Variants in VAV3 observed in about 807,000 individuals in gnomAD.
VAV3 encodes the protein vav guanine nucleotide exchange factor 3.
In VAV3, 94 loss-of-function variants were observed where a neutral mutation model predicts 131.2. That is an observed-to-expected ratio of 0.72 (90% CI 0.61 to 0.85). The LOEUF (loss-of-function observed/expected upper bound fraction) is 0.85. Among genes scored for constraint, VAV3 ranks in the 40% least tolerant of loss-of-function variants. The pLI is 0.00. For missense variants in VAV3, 939 were observed against 1,002.7 expected (o/e 0.94, Z 0.86); for synonymous variants, 349 against 342.0 (o/e 1.02, Z -0.22).
intron 1 of VAV3, among the ~76,000 whole-genome samples, chr1:107,901,904 A>C (rs1005224395): frequency 6.6e-6 from 1 of 152,046 alleles, no homozygotes; most frequent in Non-Finnish European, 1.5e-5. Flanking sequence ...TTAGCCACGC[A>C]TGGTGGCATG....
chr1:107,866,698 T>C (rs1362578118), intron 2 of VAV3, among the ~76,000 whole-genome samples: 1 of 151,212 alleles, frequency 6.6e-6, no homozygotes, highest in Non-Finnish European at 1.5e-5. Context: ...TGGTGCACAC[T>C]TGCAGCCCCA....
intron 2 of VAV3, among the ~76,000 whole-genome samples, chr1:107,842,855 A>G (rs545958018): frequency 3.9e-5 from 6 of 152,166 alleles, no homozygotes; most frequent in Non-Finnish European, 7.4e-5. Context: ...CAGTCTCTCC[A>G]ATGAGAGAAA....
At chr1:107,892,725 T>A (rs1026316739) in intron 1 of VAV3, among the ~76,000 whole-genome samples, 1 of 152,190 alleles carries the variant, frequency 6.6e-6, no homozygotes, top group African/African-American at 2.4e-5. Flanking sequence ...AATTATTTTG[T>A]CAGTGAATAT....
chr1:107,683,431 C>T (rs540356992), intron 19 of VAV3, 57 bp downstream of exon 19: 2 of 1,591,562 alleles, frequency 1.3e-6, no homozygotes, highest in East Asian at 4.5e-5. Flanking sequence ...ATTCCCATAT[C>T]CTTTCATAAG....
chr1:107,653,831 A>G (rs1355859878), intron 19 of VAV3, among the ~76,000 whole-genome samples: 2 of 152,032 alleles, frequency 1.3e-5, no homozygotes, highest in Admixed American at 1.3e-4. Flanking sequence ...CCACCAACAT[A>G]TTTACCTATG....
chr1:107,772,628 A>G (rs1367866745), intron 5 of VAV3, 107 bp downstream of exon 5: 13 of 905,046 alleles, frequency 1.4e-5, no homozygotes, highest in Non-Finnish European at 2.2e-5. Context: ...GTTATAAGCA[A>G]GCAAAGGTTA....
intron 20 of VAV3, among the ~76,000 whole-genome samples, chr1:107,632,918 A>C (rs919360839): frequency 1.3e-5 from 2 of 152,204 alleles, no homozygotes; most frequent in African/African-American, 4.8e-5. Context: ...AGTGTCTCCA[A>C]AACCATTCTA....
chr1:107,596,517 C>T (rs969650351), intron 24 of VAV3, among the ~76,000 whole-genome samples, 176 bp from the exon 25 acceptor site: 1 of 152,066 alleles, frequency 6.6e-6, no homozygotes, highest in African/African-American at 2.4e-5. Flanking sequence ...TACATGACAC[C>T]TACCTAATAG....
intron 1 of VAV3, among the ~76,000 whole-genome samples, chr1:107,952,416 C>T (rs574737442): frequency 2.7e-5 from 4 of 148,212 alleles, no homozygotes; most frequent in East Asian, 4.1e-4. Context: ...CCATGACACA[C>T]GTTTACCTAT....
chr1:107,592,683 G>A (rs911695409), intron 25 of VAV3, among the ~76,000 whole-genome samples: 1 of 152,058 alleles, frequency 6.6e-6, no homozygotes, highest in African/African-American at 2.4e-5. Context: ...ATTTTTAAAA[G>A]AACATTATAA....
intron 1 of VAV3, among the ~76,000 whole-genome samples, chr1:107,963,775 G>C (rs549127330): frequency 5.3e-5 from 8 of 152,266 alleles, no homozygotes; most frequent in Non-Finnish European, 8.8e-5. Flanking sequence ...TTCTGAAAGA[G>C]AAAGAGGCTC....
intron 15 of VAV3, among the ~76,000 whole-genome samples, chr1:107,717,392 T>G (rs55759434): frequency 6.6e-6 from 1 of 152,178 alleles, no homozygotes; most frequent in African/African-American, 2.4e-5. Context: ...TAAATTTCCC[T>G]CTATACACTG....
chr1:107,676,906 G>A (rs1284723139), intron 19 of VAV3, among the ~76,000 whole-genome samples: 1 of 152,042 alleles, frequency 6.6e-6, no homozygotes, highest in African/African-American at 2.4e-5. Flanking sequence ...ACTTTGACAA[G>A]TTATGTTTGT....
intron 1 of VAV3, among the ~76,000 whole-genome samples, chr1:107,953,629 C>T (rs1674660919): frequency 6.6e-6 from 1 of 152,158 alleles, no homozygotes; most frequent in Non-Finnish European, 1.5e-5. Flanking sequence ...GAGAAGGAAA[C>T]ATGAAGGCCA....
chr1:107,584,229 C>T (rs28490471), intron 25 of VAV3, among the ~76,000 whole-genome samples: 3 of 152,188 alleles, frequency 2.0e-5, no homozygotes, highest in Admixed American at 6.5e-5. Context: ...AACTGGATCC[C>T]TTCCTTACAC....
intron 15 of VAV3, among the ~76,000 whole-genome samples, chr1:107,723,784 C>T (rs1213623505): frequency 6.6e-6 from 1 of 152,046 alleles, no homozygotes; most frequent in East Asian, 1.9e-4. Flanking sequence ...TTGGTGGTAC[C>T]GTTGTTTTTC....
At chr1:107,919,417 T>C (rs1672779995) in intron 1 of VAV3, among the ~76,000 whole-genome samples, 2 of 152,254 alleles carry the variant, frequency 1.3e-5, no homozygotes, top group Admixed American at 6.5e-5. Context: ...GTTTACGTTT[T>C]AGCCTATTCT....
chr1:107,700,082 T>C (rs1026186247), intron 17 of VAV3, among the ~76,000 whole-genome samples: 2 of 152,226 alleles, frequency 1.3e-5, no homozygotes, highest in Admixed American at 6.5e-5. Flanking sequence ...CAAGGCAGCA[T>C]GCCAAAGCTG....
At chr1:107,845,628 A>C (rs745520986) in intron 2 of VAV3, among the ~76,000 whole-genome samples, 4 of 152,176 alleles carry the variant, frequency 2.6e-5, no homozygotes, top group Non-Finnish European at 4.4e-5. Context: ...GCTGAAAAAC[A>C]CAGCACGAGA....
Sources: gnomAD v4.1 joint callset for allele counts (sites outside exome capture counted in the v4.1 genomes callset) on GRCh38, gnomAD v4.1.1 for gene constraint, MANE v1.5 for transcripts, NCBI Gene and HGNC (gene_info 2026-07-23, HGNC 2026-07-21) for gene names.